Variants in TRMT11 observed in about 807,000 individuals in gnomAD.
The protein encoded by TRMT11 is tRNA (guanine(10)-N(2))-methyltransferase TRMT11.
Under a neutral mutation model 62.8 loss-of-function variants are expected in TRMT11, and 53 were observed. The ratio of observed to expected loss-of-function variants is 0.84; its 90% CI spans 0.68 to 1.06. TRMT11 has a LOEUF of 1.06. TRMT11 is among the 50% of genes least tolerant of loss of function. The pLI is 0.00. For synonymous variants in TRMT11, 188 were observed against 190.3 expected, an observed-to-expected ratio of 0.99 and a Z score of 0.10; for missense variants, 556 against 553.4, an observed-to-expected ratio of 1.00 and a Z score of -0.05.
intron 17 of TRMT11, among the ~76,000 whole-genome samples, chr6:126,058,504 A>C (rs1562310051): frequency 6.6e-6 from 1 of 152,134 alleles, no homozygotes; most frequent in Non-Finnish European, 1.5e-5. Context: ...TGGTATTTCT[A>C]GTTCTAGATC....
intron 17 of TRMT11, among the ~76,000 whole-genome samples, chr6:126,080,078 CT>C (rs1777125794): frequency 6.6e-6 from 1 of 150,884 alleles, no homozygotes; most frequent in Non-Finnish European, 1.5e-5. Context: ...AGAAAACCAA[CT>C]CTAGTTCTGT....
chr6:126,060,492 A>G (rs943953093), intron 17 of TRMT11, among the ~76,000 whole-genome samples: 9 of 152,160 alleles, frequency 5.9e-5, no homozygotes, highest in Non-Finnish European at 1.2e-4. Flanking sequence ...AGTGTAGTCT[A>G]AGAGCCCTGT....
At position 126,133,133 on chromosome 6, in the gene TRMT11, T is replaced by A. The variant is rs79114447; in HGVS notation, c.*1823+17278T>A. On this transcript the variant is annotated intron_variant and NMD_transcript_variant, in intron 21 of 22. Transcript: ENST00000648977. ...AACCCACAAAATAATTAAGTTCGGA[T>A]GAAAATTGAGAATGTACAAGGTTTC... is the stretch of plus-strand genomic sequence containing the variant. Among the ~76,000 whole-genome samples, 58 of 152,112 alleles carry A rather than the reference T, an allele frequency of 3.8e-4. No individual in the cohort carries two copies. The East Asian group carries it at 8.5e-3, about 22-fold the overall frequency.
At chr6:126,197,972 G>A (rs1256472405) in intron 1 of TRMT11, among the ~76,000 whole-genome samples, 3 of 152,036 alleles carry the variant, frequency 2.0e-5, no homozygotes, top group African/African-American at 7.2e-5. Context: ...TTCTTATCCA[G>A]GTGAGAAGAA....
At chr6:126,249,225 A>G in the TRMT11 span, among the ~76,000 whole-genome samples, 1 of 152,142 alleles carries the variant, frequency 6.6e-6, no homozygotes, top group African/African-American at 2.4e-5. Flanking sequence ...ATAATTTCCT[A>G]TCATAAAACA....
In TRMT11 at chr6:126,003,350, T is replaced by C. The variant is rs182585468; in HGVS notation, c.679+3737T>C. Among the ~76,000 whole-genome samples the C allele has an allele frequency of 2.8e-3, 425 of 152,232 alleles. 1 individual carries two copies. Among genetic ancestry groups the C allele is most frequent in the Non-Finnish European group, 4.9e-3 (336 of 67,970 alleles). On this transcript the variant is annotated intron_variant, in intron 7 of 12. Transcript: ENST00000334379. Reference sequence around the variant, plus strand: ...GCCCAAGACAATTCTTCTTCGAATGTGGCCCAGGAAAGCCAAAAGATTGGA... The same window carrying C: ...GCCCAAGACAATTCTTCTTCGAATGCGGCCCAGGAAAGCCAAAAGATTGGA...
intron 17 of TRMT11, among the ~76,000 whole-genome samples, chr6:126,112,283 A>G (rs950605693): frequency 6.6e-6 from 1 of 152,156 alleles, no homozygotes; most frequent in African/African-American, 2.4e-5. Flanking sequence ...CTCCCAACTC[A>G]GTCAGCAACA....
Position 126,038,878 on chromosome 6 carries a change from T to G in TRMT11, c.*42T>G. ...AATGAAGAAAGAATAAGAATTTGAT[T>G]TAAAAAGACATCTGGATGTGAACTT... On this transcript the variant is annotated 3_prime_UTR_variant, in exon 13 of 13. Transcript: ENST00000334379. The G allele has an allele frequency of 6.5e-7, 1 of 1,532,484 alleles. No individual in the cohort carries two copies. Among genetic ancestry groups the G allele is most frequent in the African/African-American group, 1.4e-5 (1 of 71,314 alleles). The allele number at this position is 1,532,484 out of a possible 1,614,324, so 94.9% of individuals were successfully genotyped here.
At chr6:126,161,859 T>A (rs1778194949) in intron 21 of TRMT11, among the ~76,000 whole-genome samples, 2 of 152,232 alleles carry the variant, frequency 1.3e-5, no homozygotes, top group Non-Finnish European at 2.9e-5. Context: ...TTTTTTCATA[T>A]GTTTGTTGGC....
At chr6:126,171,982 C>T (rs535162125) in intron 21 of TRMT11, among the ~76,000 whole-genome samples, 12 of 152,122 alleles carry the variant, frequency 7.9e-5, no homozygotes, top group African/African-American at 2.4e-4. Context: ...GCCTCCCAAA[C>T]GGCTGGGATT....
chr6:126,258,129 A>T, the TRMT11 span: 1 of 835,790 alleles, frequency 1.2e-6, no homozygotes, highest in East Asian at 2.6e-5. Context: ...GAGTTGTGTC[A>T]GCTGCTCCAT....
At chr6:126,176,314 T>C (rs1778384155), upstream of TRMT11, among the ~76,000 whole-genome samples, 1 of 152,126 alleles carries the variant, frequency 6.6e-6, no homozygotes, top group African/African-American at 2.4e-5. Context: ...CAATTTAATA[T>C]AGTCAGCACA....
At chr6:126,058,857 C>G (rs948770772) in intron 17 of TRMT11, among the ~76,000 whole-genome samples, 4 of 151,974 alleles carry the variant, frequency 2.6e-5, no homozygotes, top group Admixed American at 1.3e-4. Context: ...ATATACATCC[C>G]CAGTGGTATT....
At chr6:126,084,350 G>C in intron 17 of TRMT11, among the ~76,000 whole-genome samples, 1 of 152,064 alleles carries the variant, frequency 6.6e-6, no homozygotes. Flanking sequence ...TAATGATGTT[G>C]AGCACCTTTT....
At chr6:126,125,084 G>C (rs1018708832) in intron 21 of TRMT11, among the ~76,000 whole-genome samples, 1 of 151,976 alleles carries the variant, frequency 6.6e-6, no homozygotes, top group African/African-American at 2.4e-5. Context: ...GCTTTTCCAG[G>C]GCCCTGTGGC....
chr6:125,990,476 C>T (rs905072871), intron 1 of TRMT11, among the ~76,000 whole-genome samples: 9 of 152,200 alleles, frequency 5.9e-5, no homozygotes, highest in African/African-American at 2.2e-4. Flanking sequence ...TTCTATCGGG[C>T]ACTCAGAAGG....
At chr6:126,048,720 G>T (rs1167970566) in intron 16 of TRMT11, among the ~76,000 whole-genome samples, 2 of 152,156 alleles carry the variant, frequency 1.3e-5, no homozygotes, top group Non-Finnish European at 2.9e-5. Flanking sequence ...TGCTAGACTT[G>T]TGACTCCTGC....
intron 21 of TRMT11, among the ~76,000 whole-genome samples, chr6:126,142,947 TA>T (rs1362106024): frequency 2.0e-5 from 3 of 151,994 alleles, no homozygotes; most frequent in African/African-American, 7.2e-5. Flanking sequence ...AATGAGAAAA[TA>T]ATATGCAATA....
At chr6:126,095,708 T>C (rs1439701648) in intron 17 of TRMT11, among the ~76,000 whole-genome samples, 1 of 152,206 alleles carries the variant, frequency 6.6e-6, no homozygotes, top group East Asian at 1.9e-4. Context: ...ATACCTATTA[T>C]AATAAAGGTA....
Sources: gnomAD v4.1 joint callset for allele counts (sites outside exome capture counted in the v4.1 genomes callset) on GRCh38, gnomAD v4.1.1 for gene constraint, MANE v1.5 for transcripts, NCBI Gene and HGNC (gene_info 2026-07-23, HGNC 2026-07-21) for gene names.